The following TBXAS1 variants were observed in gnomAD, a reference collection of about 807,000 sequenced individuals.
The protein encoded by TBXAS1 is thromboxane-A synthase.
TBXAS1 carries 48 observed loss-of-function variants against 60.7 expected under a neutral mutation model. That is an observed-to-expected ratio of 0.79 (90% CI 0.63 to 1.01). TBXAS1 has a LOEUF of 1.01. Ranked by LOEUF, TBXAS1 falls within the 50% of genes least tolerant of loss-of-function variation. The probability of loss-of-function intolerance (pLI) is 0.00; values close to 1 mark genes in which losing one functional copy is unlikely to be tolerated. For missense variants in TBXAS1, 685 were observed against 686.3 expected (o/e 1.00, Z 0.02); for synonymous variants, 287 against 269.7 (o/e 1.06, Z -0.63).
chr7:139,961,014 T>C (rs1440596224), intron 8 of TBXAS1, among the ~76,000 whole-genome samples: 1 of 152,262 alleles, frequency 6.6e-6, no homozygotes, highest in East Asian at 1.9e-4. Flanking sequence ...ACAGAGGCGA[T>C]ATAGAAACAC....
At chr7:139,937,933 G>C (rs921674991) in intron 5 of TBXAS1, among the ~76,000 whole-genome samples, 1 of 148,726 alleles carries the variant, frequency 6.7e-6, no homozygotes, top group African/African-American at 2.4e-5. Context: ...GCTGGGGGGT[G>C]GGGGAGGGTC....
chr7:139,852,983 C>CACAA lies in TBXAS1; in HGVS notation c.90-19249_90-19248insAACA, dbSNP rs1554475207. On this transcript the variant is annotated intron_variant, in intron 1 of 12. Coordinates refer to ENST00000448866, the MANE Select transcript of TBXAS1 (RefSeq NM_001061.7). The surrounding 1 kb of genome is among the most constrained non-coding windows in gnomAD (Gnocchi z 4.4). ...ACACACACACACACACACACACACA[C>CACAA]ACACACAGTTGGCCAAAGAAGCAAC... Among the ~76,000 whole-genome samples the CACAA allele has an allele frequency of 5.1e-3, 656 of 127,790 alleles. 5 individuals carry two copies. The highest frequency in any genetic ancestry group is 0.024 in the South Asian group (89 of 3,766). 83.8% of individuals were successfully genotyped at this position (127,790 alleles called of 152,430 possible). A position where few individuals can be genotyped will look rare whatever the true frequency, so the allele number is the denominator to read the frequency against.
At chr7:139,795,366 GT>G (rs1275862670) in intron 4 of TBXAS1, among the ~76,000 whole-genome samples, 2 of 80,224 alleles carry the variant, frequency 2.5e-5, no homozygotes, top group African/African-American at 5.2e-5. Context: ...GGGGTTGTTT[GT>G]TTTTTTCTTG....
intron 4 of TBXAS1, among the ~76,000 whole-genome samples, chr7:139,813,722 C>A (rs1300482558): frequency 6.6e-6 from 1 of 152,178 alleles, no homozygotes; most frequent in Non-Finnish European, 1.5e-5. Flanking sequence ...TCCAGATCTT[C>A]TTTGTAACTA....
intron 9 of TBXAS1, among the ~76,000 whole-genome samples, chr7:139,971,119 G>T (rs1811161935): frequency 6.6e-6 from 1 of 152,138 alleles, no homozygotes; most frequent in Non-Finnish European, 1.5e-5. Context: ...TGTATCCAAG[G>T]TACCCACCTC....
At chr7:139,955,379 G>C in intron 6 of TBXAS1, 80 bp from the exon 7 acceptor site, 1 of 1,586,336 alleles carries the variant, frequency 6.3e-7, no homozygotes, top group Middle Eastern at 1.7e-4. Flanking sequence ...AGCAATTCAG[G>C]CCCTCCTCCT....
intron 3 of TBXAS1, among the ~76,000 whole-genome samples, chr7:139,900,712 T>C (rs2116988134): frequency 6.6e-6 from 1 of 152,370 alleles, no homozygotes; most frequent in East Asian, 1.9e-4. Context: ...CTGAAATCTC[T>C]GCTGGTCTCT....
At chr7:139,954,977 AT>A (rs1447716950) in intron 6 of TBXAS1, among the ~76,000 whole-genome samples, 1 of 152,196 alleles carries the variant, frequency 6.6e-6, no homozygotes, top group Non-Finnish European at 1.5e-5. Flanking sequence ...AAACTAGATA[AT>A]TAGGTTGTTA....
At position 140,009,854 on chromosome 7, in the gene TBXAS1, C is replaced by T. The variant is rs115515385; in HGVS notation, c.1226+2672C>T. ...ACCTGTCCCATGCCCGCCCCACAGCCGCCCCACACCTGCTCCACACCTCCA... is the reference window on the plus strand; with the variant it reads ...ACCTGTCCCATGCCCGCCCCACAGCTGCCCCACACCTGCTCCACACCTCCA... On this transcript the variant is annotated intron_variant, in intron 10 of 12. Transcript: ENST00000448866. 2.2e-3 allele frequency among the ~76,000 whole-genome samples: 265 copies of T among 121,770 alleles called. 4 individuals carry two copies. The highest frequency in any genetic ancestry group is 7.6e-3 in the African/African-American group (228 of 30,028). The allele number at this position is 121,770 out of a possible 152,430, so 79.9% of individuals were successfully genotyped here.
intron 5 of TBXAS1, among the ~76,000 whole-genome samples, chr7:139,951,396 C>A (rs1809241187): frequency 6.6e-6 from 1 of 151,470 alleles, no homozygotes; most frequent in African/African-American, 2.4e-5. Flanking sequence ...TAGGAGTGAC[C>A]CTGATAAAGA....
At chr7:139,903,167 T>G (rs191659605) in intron 3 of TBXAS1, among the ~76,000 whole-genome samples, 1 of 152,236 alleles carries the variant, frequency 6.6e-6, no homozygotes, top group East Asian at 1.9e-4. Flanking sequence ...CATAGCTTAG[T>G]TCCCACATAT....
At chr7:139,942,570 T>C (rs1234527787) in intron 5 of TBXAS1, among the ~76,000 whole-genome samples, 1 of 152,232 alleles carries the variant, frequency 6.6e-6, no homozygotes. Context: ...ATATAAATGA[T>C]GGGCTTTCTT....
intron 3 of TBXAS1, among the ~76,000 whole-genome samples, chr7:139,903,701 A>G (rs1804754433): frequency 6.6e-6 from 1 of 152,042 alleles, no homozygotes; most frequent in Non-Finnish European, 1.5e-5. Flanking sequence ...CCTGATCATC[A>G]GTGATGCTGA....
At chr7:139,822,442 C>G (rs1041241200) in intron 4 of TBXAS1, among the ~76,000 whole-genome samples, 7 of 152,164 alleles carry the variant, frequency 4.6e-5, no homozygotes, top group African/African-American at 1.7e-4. Context: ...TTTGCCCCAT[C>G]CACAAGCAAA....
chr7:139,824,787 G>A (rs1177656623), upstream of TBXAS1, among the ~76,000 whole-genome samples: 1 of 150,130 alleles, frequency 6.7e-6, no homozygotes, highest in Non-Finnish European at 1.5e-5. Context: ...GTACAGTTGT[G>A]TAGAGTTGAT....
At chr7:139,839,837 G>A (rs779079649) in intron 1 of TBXAS1, among the ~76,000 whole-genome samples, 1 of 151,694 alleles carries the variant, frequency 6.6e-6, no homozygotes, top group Admixed American at 6.6e-5. Context: ...ACTCCAGCCT[G>A]GGTGACAGGG....
At chr7:139,839,619 A>T (rs1487176476) in intron 1 of TBXAS1, among the ~76,000 whole-genome samples, 1 of 149,926 alleles carries the variant, frequency 6.7e-6, no homozygotes, top group Non-Finnish European at 1.5e-5. Flanking sequence ...TGGGAGGATC[A>T]CTTGAGCCCA....
At chr7:139,887,491 C>T (rs551979224) in intron 3 of TBXAS1, among the ~76,000 whole-genome samples, 4 of 152,302 alleles carry the variant, frequency 2.6e-5, no homozygotes, top group Admixed American at 2.6e-4. Context: ...AATTTGACTA[C>T]TCTAAGTACC....
chr7:139,977,567 T>A (rs1445864503), intron 9 of TBXAS1, among the ~76,000 whole-genome samples: 2 of 152,124 alleles, frequency 1.3e-5, no homozygotes, highest in Admixed American at 6.5e-5. Flanking sequence ...ACAAGGCACG[T>A]GAAGCCTAGG....
Sources: allele counts gnomAD v4.1 joint callset (sites outside exome capture counted in the v4.1 genomes callset), GRCh38; gene constraint gnomAD v4.1.1; non-coding constraint Gnocchi (gnomAD v3.1); transcripts MANE v1.5; gene names NCBI Gene and HGNC (gene_info 2026-07-23, HGNC 2026-07-21).